Variants in FBLN2 observed in about 807,000 individuals in gnomAD.
FBLN2 encodes fibulin-2.
FBLN2 carries 81 observed loss-of-function variants against 123.7 expected under a neutral mutation model. The ratio of observed to expected loss-of-function variants is 0.65; its 90% CI spans 0.55 to 0.79. The LOEUF (loss-of-function observed/expected upper bound fraction) is 0.79, where lower values mean the gene tolerates loss of function less well. Ranked by LOEUF, FBLN2 falls within the 30% of genes least tolerant of loss-of-function variation. The pLI, the probability that FBLN2 is intolerant of heterozygous loss-of-function variation, is 0.00. For missense variants in FBLN2, 1,603 were observed against 1,681.3 expected (o/e 0.95, Z 0.81); for synonymous variants, 699 against 701.4 (o/e 1.00, Z 0.05).
intron 4 of FBLN2, 46 bp downstream of exon 4, chr3:13,609,688 G>GCAT: frequency 3.9e-6 from 2 of 512,604 alleles, no homozygotes; most frequent in Non-Finnish European, 7.2e-6. Flanking sequence ...GTGGGGCGGG[G>GCAT]CGGGAGGCTG....
In FBLN2 at chr3:13,631,411, C is replaced by T. The variant is rs1271716950; in HGVS notation, c.3168C>T (p.Cys1056=). The T allele has an allele frequency of 1.9e-6, 3 of 1,600,860 alleles. No individual in the cohort carries two copies. The stretch of plus-strand genomic sequence containing the variant: ...TGCCAGGGAGCTACCAGTGTGCATG[C>T]CCTGAGCAGGGCTACACCATGACGG... The part of the protein sequence containing the change: ...LNVPGSYQCA[C]PEQGYTMTAN... Residue 1056 remains cysteine (C), a synonymous_variant, in exon 16 of 18, where the codon TGC becomes TGT. Transcript: ENST00000404922.
chr3:13,560,978 A>G lies in FBLN2; in HGVS notation c.-41-9337A>G, dbSNP rs564376633. 4.3e-4 allele frequency among the ~76,000 whole-genome samples: 65 copies of G among 151,910 alleles called. 1 individual carries two copies. In the South Asian group the frequency reaches 0.012, roughly 28 times the overall value. ...AGAGTCTCTTTGAAGGGAAAAAAAC[A>G]CAAACATACAAAAGAGTACCTAAAA... On this transcript the variant is annotated intron_variant, in intron 1 of 17. Transcript: ENST00000404922.
At chr3:13,553,889 C>T (rs1462615321) in intron 1 of FBLN2, among the ~76,000 whole-genome samples, 1 of 152,248 alleles carries the variant, frequency 6.6e-6, no homozygotes, top group African/African-American at 2.4e-5. Flanking sequence ...CTTCTGGTTG[C>T]TCATCTGTGA....
chr3:13,607,232 C>T lies in FBLN2; in HGVS notation c.1307-830C>T, dbSNP rs143491327. Among the ~76,000 whole-genome samples, 178 of 150,510 alleles carry T rather than the reference C, an allele frequency of 1.2e-3. 1 individual carries two copies. The highest frequency in any genetic ancestry group is 3.9e-3 in the African/African-American group (161 of 40,904). On this transcript the variant is annotated intron_variant, in intron 2 of 17. Transcript: ENST00000404922. ...TGAACTCCTGACCTCGTGATCTGCC[C>T]GCCTCAGCCTCTCAAAGTGCTGGGA...
At chr3:13,556,012 C>T (rs542930526) in intron 1 of FBLN2, among the ~76,000 whole-genome samples, 19 of 152,280 alleles carry the variant, frequency 1.2e-4, no homozygotes, top group African/African-American at 4.3e-4. Flanking sequence ...TGGCATGTTT[C>T]GTGCTAGGCT....
chr3:13,606,145 C>A (rs932935773), intron 2 of FBLN2, among the ~76,000 whole-genome samples: 5 of 152,196 alleles, frequency 3.3e-5, no homozygotes, highest in Non-Finnish European at 7.3e-5. Flanking sequence ...AGTGATGAAC[C>A]CACCTTAGCC....
intron 9 of FBLN2, 60 bp from the exon 10 acceptor site, chr3:13,626,385 C>T (rs999905784): frequency 2.8e-6 from 4 of 1,453,614 alleles, no homozygotes; most frequent in Non-Finnish European, 2.8e-6. Flanking sequence ...GGTCTGCTGG[C>T]TGCACTCAGC....
At chr3:13,594,204 A>T (rs948379574) in intron 2 of FBLN2, among the ~76,000 whole-genome samples, 2 of 152,060 alleles carry the variant, frequency 1.3e-5, no homozygotes, top group African/African-American at 4.8e-5. Flanking sequence ...GTGCGGTTAA[A>T]CCCACCCTCC....
Position 13,634,336 on chromosome 3 carries a change from C to T in FBLN2, c.3215-2109C>T, listed in dbSNP as rs181857346. On this transcript the variant is annotated intron_variant, in intron 16 of 17. Transcript: ENST00000404922. The stretch of plus-strand genomic sequence containing the variant: ...CCTGCGCTCTCCAGGGGCCTGGCAG[C>T]GCCGATGGGCGAGGCCCTGGGGCGT... Among the ~76,000 whole-genome samples the T allele has an allele frequency of 4.4e-3, 677 of 152,376 alleles. 11 individuals are homozygous for T. Among genetic ancestry groups the T allele is most frequent in the Non-Finnish European group, 3.7e-3 (252 of 68,036 alleles).
At chr3:13,610,790 A>G (rs1705364983) in intron 4 of FBLN2, among the ~76,000 whole-genome samples, 1 of 152,098 alleles carries the variant, frequency 6.6e-6, no homozygotes, top group Non-Finnish European at 1.5e-5. Flanking sequence ...CTCCATGGTC[A>G]TCAGGAATGG....
intron 10 of FBLN2, among the ~76,000 whole-genome samples, chr3:13,627,312 G>T (rs184130401): frequency 4.9e-4 from 74 of 152,278 alleles, no homozygotes; most frequent in Non-Finnish European, 9.9e-4. Context: ...AGTCTCCGGG[G>T]TTGGAGCCTT....
intron 1 of FBLN2, among the ~76,000 whole-genome samples, chr3:13,569,283 GCCAGGCTCAGCTGGGAAT>G (rs57024075): frequency 0.07 from 10,697 of 152,128 alleles, 1,244 homozygotes; most frequent in African/African-American, 0.24. Flanking sequence ...GGCCTTGAGT[GCCAGGCTCAGCTGGGAAT>G]CCAGACCTTT....
At chr3:13,579,585 A>G (rs139172301) in intron 2 of FBLN2, among the ~76,000 whole-genome samples, 12 of 152,222 alleles carry the variant, frequency 7.9e-5, no homozygotes, top group East Asian at 3.8e-4. Flanking sequence ...TCAAATAACA[A>G]TGGATCTTGG....
At chr3:13,617,965 TG>T in intron 5 of FBLN2, 110 bp from the exon 6 acceptor site, 3 of 899,248 alleles carry the variant, frequency 3.3e-6, no homozygotes, top group Non-Finnish European at 5.3e-6. Flanking sequence ...TGCTGTCTGC[TG>T]GGCACACAGA....
chr3:13,569,840 C>T (rs1010495542), intron 1 of FBLN2, among the ~76,000 whole-genome samples: 3 of 150,540 alleles, frequency 2.0e-5, no homozygotes, highest in Non-Finnish European at 3.0e-5. Flanking sequence ...TGGGACTGTG[C>T]GTGTGAGACC....
chr3:13,596,933 T>C (rs910929036), intron 2 of FBLN2, among the ~76,000 whole-genome samples: 5 of 151,870 alleles, frequency 3.3e-5, no homozygotes, highest in African/African-American at 9.7e-5. Context: ...TTTGTTTATT[T>C]ATTTATTTAT....
At chr3:13,612,022 G>T (rs1162929186) in intron 4 of FBLN2, among the ~76,000 whole-genome samples, 2 of 152,214 alleles carry the variant, frequency 1.3e-5, no homozygotes, top group African/African-American at 4.8e-5. Context: ...CTGAGGAGCG[G>T]GAGAGGGAAT....
chr3:13,559,025 G>C (rs1703539640), intron 1 of FBLN2, among the ~76,000 whole-genome samples: 1 of 152,026 alleles, frequency 6.6e-6, no homozygotes, highest in South Asian at 2.1e-4. Context: ...CAACAGAGGG[G>C]GATGGGTTAG....
At position 13,572,665 on chromosome 3, in the gene FBLN2, G is replaced by A. The variant is rs149051595; in HGVS notation, c.1306+1004G>A. On this transcript the variant is annotated intron_variant, in intron 2 of 17. Coordinates refer to ENST00000404922, the MANE Select transcript of FBLN2 (RefSeq NM_001004019.2). ...TGCCCATCCATGCCTGCTCCCAGCA[G>A]GTCCTCCATAGCCCAGCACAGTCAG... 1.8e-4 allele frequency among the ~76,000 whole-genome samples: 27 copies of A among 152,360 alleles called. No individual in the cohort carries two copies. In the East Asian group the frequency reaches 5.0e-3, roughly 28 times the overall value.
Sources: gnomAD v4.1 joint callset for allele counts (sites outside exome capture counted in the v4.1 genomes callset) on GRCh38, gnomAD v4.1.1 for gene constraint, MANE v1.5 for transcripts, NCBI Gene and HGNC (gene_info 2026-07-23, HGNC 2026-07-21) for gene names.